The following XKR4 variants were observed in gnomAD, a reference collection of about 807,000 sequenced individuals.
The protein encoded by XKR4 is XK related 4, also known as XK-related protein 4.
Under a neutral mutation model 53.9 loss-of-function variants are expected in XKR4, and 12 were observed. The ratio of observed to expected loss-of-function variants is 0.22; its 90% CI spans 0.14 to 0.36. The LOEUF (loss-of-function observed/expected upper bound fraction) is 0.36, where lower values mean the gene tolerates loss of function less well. XKR4 is among the 10% of genes least tolerant of loss of function. The probability of loss-of-function intolerance (pLI) is 1.00; values close to 1 mark genes in which losing one functional copy is unlikely to be tolerated. For missense variants in XKR4, 799 were observed against 859.5 expected (o/e 0.93, Z 0.88); for synonymous variants, 354 against 362.4 (o/e 0.98, Z 0.26).
intron 1 of XKR4, among the ~76,000 whole-genome samples, chr8:55,110,548 A>G (rs777489690): frequency 6.6e-6 from 1 of 152,166 alleles, no homozygotes; most frequent in African/African-American, 2.4e-5. Flanking sequence ...AAAAGGTGCA[A>G]TGTCATCTGG....
At chr8:55,451,119 T>C in intron 2 of XKR4, 1 of 523,062 alleles carries the variant, frequency 1.9e-6, no homozygotes, top group South Asian at 2.0e-5. Flanking sequence ...CCCGAGGATG[T>C]AGAGGGCTGC....
chr8:55,240,907 T>C (rs1818201448), intron 1 of XKR4, among the ~76,000 whole-genome samples: 1 of 152,130 alleles, frequency 6.6e-6, no homozygotes, highest in Non-Finnish European at 1.5e-5. Context: ...TATACTCTGG[T>C]TTGTAGGAAA....
At chr8:55,116,096 G>T (rs2129351472) in intron 1 of XKR4, among the ~76,000 whole-genome samples, 1 of 152,226 alleles carries the variant, frequency 6.6e-6, no homozygotes, top group South Asian at 2.1e-4. Flanking sequence ...GCTGGTTCTG[G>T]GCTTATTTTT....
chr8:55,339,186 C>G (rs1803506642), intron 1 of XKR4, among the ~76,000 whole-genome samples: 1 of 152,104 alleles, frequency 6.6e-6, no homozygotes, highest in African/African-American at 2.4e-5. Flanking sequence ...GATGCTGTGG[C>G]CATGGGGCTG....
rs1818050572 is a variant in XKR4 at position 55,232,131 on chromosome 8, T to C, written c.807-125547T>C. The stretch of plus-strand genomic sequence containing the variant: ...CACATCTTGCCCCTCAGGAGTCATT[T>C]TCCGTTGGGTTGTACATCCAAGTCC... On this transcript the variant is annotated intron_variant, in intron 1 of 2. Coordinates refer to ENST00000327381, the MANE Select transcript of XKR4 (RefSeq NM_052898.2). Among the ~76,000 whole-genome samples, 3 of 152,226 alleles carry C rather than the reference T, an allele frequency of 2.0e-5. No individual in the cohort carries two copies. In the South Asian group the frequency reaches 6.2e-4, roughly 32 times the overall value.
chr8:55,536,055 C>T lies in XKR4; in HGVS notation c.*11828C>T, dbSNP rs1397147767. 6.6e-6 allele frequency: 1 copy of T among 152,206 alleles called. No homozygotes were observed. The highest frequency in any genetic ancestry group is 6.5e-5 in the Admixed American group (1 of 15,280). 9.4% of individuals were successfully genotyped at this position (152,206 alleles called of 1,614,324 possible). ...GTTACCATGGCCTTACTCATCTTCC[C>T]ATTGTAAATATATCACAATGTCACA... On this transcript the variant is annotated 3_prime_UTR_variant, in exon 3 of 3. Coordinates refer to ENST00000327381, the MANE Select transcript of XKR4 (RefSeq NM_052898.2).
intron 1 of XKR4, among the ~76,000 whole-genome samples, chr8:55,273,142 CTGTGTGTGTGTGTGTGTGTG>C (rs5891567): frequency 4.4e-4 from 65 of 147,558 alleles, no homozygotes; most frequent in Admixed American, 1.6e-3. Context: ...GAAAAGAGGA[CTGTGTGTGTGTGTGTGTGTG>C]TGTGTGTGTG....
chr8:55,411,502 C>A (rs542986152), intron 2 of XKR4, among the ~76,000 whole-genome samples: 1 of 152,186 alleles, frequency 6.6e-6, no homozygotes, highest in East Asian at 1.9e-4. Context: ...TCCAAGAACT[C>A]GAGTCACACG....
intron 2 of XKR4, among the ~76,000 whole-genome samples, chr8:55,361,114 C>G (rs925007): frequency 1.3e-5 from 2 of 152,132 alleles, no homozygotes; most frequent in African/African-American, 4.8e-5. Context: ...GCCAGCTCCC[C>G]GCGGAGTATA....
intron 1 of XKR4, among the ~76,000 whole-genome samples, chr8:55,245,207 C>A (rs1355767603): frequency 6.6e-6 from 1 of 151,972 alleles, no homozygotes; most frequent in Non-Finnish European, 1.5e-5. Flanking sequence ...ATGCCCGGCC[C>A]TTTGCCTACT....
At chr8:55,367,700 C>A (rs1422227406) in intron 2 of XKR4, among the ~76,000 whole-genome samples, 1 of 152,180 alleles carries the variant, frequency 6.6e-6, no homozygotes, top group Non-Finnish European at 1.5e-5. Context: ...TAATTTGCAT[C>A]TCCTGATAAT....
intron 2 of XKR4, among the ~76,000 whole-genome samples, chr8:55,408,508 A>G (rs1028512090): frequency 6.6e-6 from 1 of 152,210 alleles, no homozygotes; most frequent in Non-Finnish European, 1.5e-5. Context: ...ACAGCCCCCC[A>G]GTGGGTGGTG....
chr8:55,385,769 A>G (rs1804300300), intron 2 of XKR4, among the ~76,000 whole-genome samples: 1 of 152,226 alleles, frequency 6.6e-6, no homozygotes, highest in Non-Finnish European at 1.5e-5. Context: ...CATTAGAAAT[A>G]CATTGCACTC....
chr8:55,166,641 G>T (rs1027452161), intron 1 of XKR4, among the ~76,000 whole-genome samples: 1 of 152,130 alleles, frequency 6.6e-6, no homozygotes, highest in Non-Finnish European at 1.5e-5. Flanking sequence ...AGGAGTTTTG[G>T]GTATGCTGTT....
intron 1 of XKR4, among the ~76,000 whole-genome samples, chr8:55,266,701 G>A (rs184007059): frequency 6.6e-6 from 1 of 152,240 alleles, no homozygotes; most frequent in African/African-American, 2.4e-5. Flanking sequence ...TGCTGTTAAA[G>A]AATTAAGAAG....
In XKR4 at chr8:55,529,823, T is replaced by C. The variant is rs1806924457; in HGVS notation, c.*5596T>C. 1 of 152,104 alleles carries C rather than the reference T, an allele frequency of 6.6e-6. No homozygotes were observed. The highest frequency in any genetic ancestry group is 2.1e-4 in the South Asian group (1 of 4,830). The allele number at this position is 152,104 out of a possible 1,614,324, so 9.4% of individuals were successfully genotyped here. ...CAAAGATGTCCTTCAAAATGAACAG[T>C]TAAAAATGTAAAAGTCGATGTAAAA... is the stretch of plus-strand genomic sequence containing the variant. On this transcript the variant is annotated 3_prime_UTR_variant, in exon 3 of 3. Transcript: ENST00000327381.
intron 1 of XKR4, among the ~76,000 whole-genome samples, chr8:55,179,297 A>G (rs926748469): frequency 6.6e-6 from 1 of 152,004 alleles, no homozygotes; most frequent in Non-Finnish European, 1.5e-5. Flanking sequence ...CATTCCACCT[A>G]TTCATTCACT....
At chr8:55,104,422 G>C (rs903394220) in intron 1 of XKR4, among the ~76,000 whole-genome samples, 1 of 152,152 alleles carries the variant, frequency 6.6e-6, no homozygotes, top group Non-Finnish European at 1.5e-5. Flanking sequence ...TGTGGTACTG[G>C]TGCTCTTTTT....
At chr8:55,203,327 G>C (rs1205286864) in intron 1 of XKR4, among the ~76,000 whole-genome samples, 4 of 152,192 alleles carry the variant, frequency 2.6e-5, no homozygotes, top group Non-Finnish European at 2.9e-5. Context: ...GCTGGGGAAG[G>C]GTTCGCAAAG....
Sources: gnomAD v4.1 joint callset for allele counts (sites outside exome capture counted in the v4.1 genomes callset) on GRCh38, gnomAD v4.1.1 for gene constraint, MANE v1.5 for transcripts, NCBI Gene and HGNC (gene_info 2026-07-23, HGNC 2026-07-21) for gene names.